Variants in COL25A1 observed in about 807,000 individuals in gnomAD.
COL25A1 encodes the protein collagen alpha-1(XXV) chain.
COL25A1 carries 103 observed loss-of-function variants against 128.4 expected under a neutral mutation model. The observed-to-expected ratio is 0.80, with a 90% CI of 0.68 to 0.94. The LOEUF (loss-of-function observed/expected upper bound fraction) is 0.94. Among genes scored for constraint, COL25A1 ranks in the 40% least tolerant of loss-of-function variants. The pLI is 0.00. For synonymous variants in COL25A1, 279 were observed against 277.2 expected (o/e 1.01, Z -0.06); for missense variants, 745 against 840.0 (o/e 0.89, Z 1.40).
At chr4:109,290,918 CT>C (rs1724411650) in intron 3 of COL25A1, among the ~76,000 whole-genome samples, 1 of 152,150 alleles carries the variant, frequency 6.6e-6, no homozygotes, top group African/African-American at 2.4e-5. Flanking sequence ...ACTTGTTCAA[CT>C]TTCCTATCTT....
chr4:109,009,136 A>AAAAC (rs1164726895), intron 6 of COL25A1, among the ~76,000 whole-genome samples: 1 of 152,220 alleles, frequency 6.6e-6, no homozygotes. Flanking sequence ...AAAACAAAAC[A>AAAAC]AAACAAAACA....
chr4:109,092,259 T>C (rs1764981672), intron 3 of COL25A1, among the ~76,000 whole-genome samples: 2 of 152,148 alleles, frequency 1.3e-5, no homozygotes, highest in African/African-American at 4.8e-5. Context: ...AAGGATTGCT[T>C]AAGGCCAGGA....
intron 3 of COL25A1, among the ~76,000 whole-genome samples, chr4:109,281,953 G>T (rs1723422355): frequency 6.6e-6 from 1 of 152,080 alleles, no homozygotes; most frequent in African/African-American, 2.4e-5. Context: ...CAAGAACAGT[G>T]AGTGCTCTTT....
At chr4:109,300,701 G>T in intron 2 of COL25A1, 49 bp from the exon 3 acceptor site, 1 of 1,328,704 alleles carries the variant, frequency 7.5e-7, no homozygotes, top group Non-Finnish European at 1.1e-6. Context: ...ACTGTAGAGG[G>T]ATGGAGTCTT....
At position 108,810,527 on chromosome 4, in the gene COL25A1, A is replaced by G. The variant is rs1451556286; in HGVS notation, c.*3400T>C. On this transcript the variant is annotated 3_prime_UTR_variant, in exon 38 of 38. Coordinates refer to ENST00000399132, the MANE Select transcript of COL25A1 (RefSeq NM_198721.4). ...CTGCTTTTGCTAATGAAAAACAAAA[A>G]CTGAAAGAAAAAATTAGGTATATTT... 1 of 151,988 alleles carries G rather than the reference A, an allele frequency of 6.6e-6. No homozygotes were observed. Among genetic ancestry groups the G allele is most frequent in the Admixed American group, 6.5e-5 (1 of 15,268 alleles). The allele number at this position is 151,988 out of a possible 1,614,324, so 9.4% of individuals were successfully genotyped here.
At chr4:109,231,275 T>C (rs1368329825) in intron 3 of COL25A1, among the ~76,000 whole-genome samples, 2 of 152,182 alleles carry the variant, frequency 1.3e-5, no homozygotes, top group East Asian at 3.8e-4. Context: ...TACATTCCAG[T>C]ATTCCAAACC....
intron 36 of COL25A1, among the ~76,000 whole-genome samples, chr4:108,818,734 C>T (rs577323404): frequency 1.7e-4 from 26 of 152,200 alleles, no homozygotes; most frequent in Admixed American, 5.9e-4. Context: ...GAAGTTTGGT[C>T]TTCTTCTTTG....
At chr4:109,125,187 T>C (rs1224232113) in intron 3 of COL25A1, among the ~76,000 whole-genome samples, 1 of 152,070 alleles carries the variant, frequency 6.6e-6, no homozygotes, top group Non-Finnish European at 1.5e-5. Context: ...TACTACAATG[T>C]GTATGTGGAG....
In COL25A1 at chr4:109,010,239, T is replaced by G. The variant is rs527768236; in HGVS notation, c.438+119A>C. On this transcript the variant is annotated intron_variant, in intron 6 of 37. Transcript: ENST00000399132. ...CTCCTGGGAAATATTTGGTCTACTGTGTGGTGTTGTGATTATCAGTTCATA... is the reference window on the plus strand; with the variant it reads ...CTCCTGGGAAATATTTGGTCTACTGGGTGGTGTTGTGATTATCAGTTCATA... The G allele has an allele frequency of 1.2e-4, 92 of 782,914 alleles. No homozygotes were observed. The East Asian group carries it at 2.6e-3, about 22-fold the overall frequency. The allele number at this position is 782,914 out of a possible 1,614,324, so 48.5% of individuals were successfully genotyped here. A position where few individuals can be genotyped will look rare whatever the true frequency, so the allele number is the denominator to read the frequency against.
chr4:109,043,183 G>A (rs1240204295), intron 5 of COL25A1, among the ~76,000 whole-genome samples: 1 of 152,064 alleles, frequency 6.6e-6, no homozygotes, highest in East Asian at 1.9e-4. Context: ...GGTATGTTAA[G>A]TGACACATGG....
chr4:108,862,546 C>T lies in COL25A1; in HGVS notation c.1153-1G>A. On this transcript the variant is annotated splice_acceptor_variant, in intron 21 of 37. Coordinates refer to ENST00000399132, the MANE Select transcript of COL25A1 (RefSeq NM_198721.4). LOFTEE classifies it high-confidence loss of function. ...TAGTTCCTGATTCACCTTGTTTCCC[C>T]TATTACAGCAGAATAAGAGGATGAA... The T allele has an allele frequency of 1.9e-6, 3 of 1,610,476 alleles. No individual in the cohort carries two copies. Among genetic ancestry groups the T allele is most frequent in the Non-Finnish European group, 2.5e-6 (3 of 1,177,034 alleles).
intron 3 of COL25A1, among the ~76,000 whole-genome samples, chr4:109,255,590 C>CTCAT (rs750256391): frequency 3.3e-5 from 5 of 152,162 alleles, no homozygotes; most frequent in Non-Finnish European, 7.3e-5. Context: ...TGAGAAACTG[C>CTCAT]TCATTCATTC....
At chr4:109,214,892 A>G (rs1185530177) in intron 3 of COL25A1, among the ~76,000 whole-genome samples, 1 of 152,168 alleles carries the variant, frequency 6.6e-6, no homozygotes, top group Non-Finnish European at 1.5e-5. Flanking sequence ...GACAGGTTTC[A>G]TTCTGGTTTA....
chr4:109,223,431 T>C (rs1170978696), intron 3 of COL25A1, among the ~76,000 whole-genome samples: 1 of 151,944 alleles, frequency 6.6e-6, no homozygotes, highest in African/African-American at 2.4e-5. Flanking sequence ...CTAATGATAG[T>C]TCTATGTCTT....
intron 5 of COL25A1, among the ~76,000 whole-genome samples, chr4:109,021,348 G>A (rs556501011): frequency 7.9e-5 from 12 of 152,300 alleles, no homozygotes; most frequent in African/African-American, 2.9e-4. Flanking sequence ...GGACTGGCTG[G>A]AGCAGCGGCA....
At chr4:109,228,057 G>A (rs533027432) in intron 3 of COL25A1, among the ~76,000 whole-genome samples, 169 of 152,238 alleles carry the variant, frequency 1.1e-3, no homozygotes, top group African/African-American at 3.9e-3. Flanking sequence ...TGTCCCCAGC[G>A]GCAGAAGAAA....
At position 108,863,314 on chromosome 4, in the gene COL25A1, C is replaced by G. The variant is rs1216477464; in HGVS notation, c.1152+5G>C. ...TGGTTATTTTCCAGTTTAAGAATAA[C>G]TCACCTTTGGTCCGGGGGCTCCAGG... On this transcript the variant is annotated splice_donor_5th_base_variant and intron_variant, in intron 21 of 37. Transcript: ENST00000399132. 6.2e-7 allele frequency: 1 copy of G among 1,613,312 alleles called. No individual in the cohort carries two copies. Among genetic ancestry groups the G allele is most frequent in the South Asian group, 1.1e-5 (1 of 91,004 alleles).
chr4:108,870,711 C>T (rs1440442404), intron 19 of COL25A1, among the ~76,000 whole-genome samples: 2 of 152,154 alleles, frequency 1.3e-5, no homozygotes, highest in Non-Finnish European at 1.5e-5. Context: ...CATCTGTTTA[C>T]ATGTAAAATA....
chr4:109,193,993 T>C (rs890264594), intron 3 of COL25A1, among the ~76,000 whole-genome samples: 2 of 152,226 alleles, frequency 1.3e-5, no homozygotes, highest in Non-Finnish European at 2.9e-5. Flanking sequence ...AGCAAGGTCT[T>C]TGACTAATAC....
Sources: allele counts gnomAD v4.1 joint callset (sites outside exome capture counted in the v4.1 genomes callset), GRCh38; gene constraint gnomAD v4.1.1; transcripts MANE v1.5; gene names NCBI Gene and HGNC (gene_info 2026-07-23, HGNC 2026-07-21).